Variants in SOS1 observed in about 807,000 individuals in gnomAD.
SOS1 encodes the protein son of sevenless homolog 1.
In SOS1, 25 loss-of-function variants were observed where a neutral mutation model predicts 157.6. The observed-to-expected ratio is 0.16, with a 90% CI of 0.12 to 0.22. The LOEUF (loss-of-function observed/expected upper bound fraction) is 0.22. SOS1 is among the 10% of genes least tolerant of loss of function. The pLI, the probability that SOS1 is intolerant of heterozygous loss-of-function variation, is 1.00. For synonymous variants in SOS1, 528 were observed against 534.0 expected (o/e 0.99, Z 0.16); for missense variants, 1,237 against 1,599.1 (o/e 0.77, Z 3.86).
chr2:38,994,098 G>A (rs1311631817), intron 20 of SOS1, among the ~76,000 whole-genome samples: 1 of 152,148 alleles, frequency 6.6e-6, no homozygotes, highest in Non-Finnish European at 1.5e-5. Flanking sequence ...ACTGAGATGT[G>A]CTGTAAGTGT....
chr2:39,102,704 G>A (rs929161168), intron 1 of SOS1, among the ~76,000 whole-genome samples: 1 of 152,132 alleles, frequency 6.6e-6, no homozygotes, highest in Non-Finnish European at 1.5e-5. Flanking sequence ...CAGCACTTTG[G>A]GAGGCTGAGG....
chr2:39,006,603 AG>A (rs1266672425), intron 16 of SOS1, 74 bp from the exon 17 acceptor site: 2 of 787,830 alleles, frequency 2.5e-6, no homozygotes, highest in African/African-American at 3.4e-5. Flanking sequence ...CTAGGCTAAC[AG>A]AAACGCCCAA....
chr2:39,032,346 A>G (rs1421939806), intron 8 of SOS1, among the ~76,000 whole-genome samples: 1 of 152,192 alleles, frequency 6.6e-6, no homozygotes, highest in Non-Finnish European at 1.5e-5. Context: ...ACAGTCTTAT[A>G]CTATTAATAG....
intron 10 of SOS1, among the ~76,000 whole-genome samples, chr2:39,021,411 C>T (rs1310239963): frequency 6.6e-6 from 1 of 150,650 alleles, no homozygotes; most frequent in Non-Finnish European, 1.5e-5. Context: ...ATCACTCAAT[C>T]AAGTCTTACA....
rs1056080833 is a variant in SOS1, at chr2:39,024,115, T to A, written c.1097A>T (p.Asp366Val). Reference protein sequence around the residue: ...LLKQLEEKSEDQEDKECLKQA... With the variant: ...LLKQLEEKSEVQEDKECLKQA... ...TTTTAAACATTCCTTGTCTTCTTGA[T>A]CTTCACTTTTTTCTTCTAACTGCTG... is the stretch of plus-strand genomic sequence containing the variant. Residue 366 changes from aspartate (D) to valine (V), a missense_variant, in exon 9 of 23, where the codon GAT becomes GTT. By Grantham distance (152) the Asp-to-Val change is radical. This residue lies in a region of SOS1 where 101 missense variants were observed against 171.5 expected (regional missense o/e 0.59). Coordinates refer to ENST00000402219, the MANE Select transcript of SOS1 (RefSeq NM_005633.4). 3.1e-6 allele frequency: 5 copies of A among 1,611,232 alleles called. No individual in the cohort carries two copies. In the African/African-American group the frequency reaches 6.7e-5, roughly 22 times the overall value.
intron 1 of SOS1, among the ~76,000 whole-genome samples, chr2:39,102,516 G>A (rs1397415527): frequency 1.1e-5 from 1 of 92,610 alleles, no homozygotes; most frequent in African/African-American, 4.5e-5. Context: ...GGGCAACAGA[G>A]CAAGACTCCA....
intron 17 of SOS1, among the ~76,000 whole-genome samples, chr2:38,998,283 T>G (rs1272502687): frequency 1.3e-5 from 2 of 152,104 alleles, no homozygotes; most frequent in Non-Finnish European, 2.9e-5. Flanking sequence ...GGAGTCTCAC[T>G]CTGTCTCCCA....
intron 1 of SOS1, among the ~76,000 whole-genome samples, chr2:39,110,539 C>T (rs534877569): frequency 3.3e-4 from 50 of 149,480 alleles, no homozygotes; most frequent in Non-Finnish European, 6.7e-4. Flanking sequence ...CCCTGCTCTG[C>T]AAGGAGCAAT....
intron 19 of SOS1, 31 bp downstream of exon 19, chr2:38,996,891 G>A (rs971089167): frequency 2.9e-6 from 3 of 1,048,726 alleles, no homozygotes; most frequent in African/African-American, 3.1e-5. Context: ...TGGTAGTAAT[G>A]ACATCACCAG....
chr2:39,045,543 C>T (rs1034648706), intron 6 of SOS1, among the ~76,000 whole-genome samples: 2 of 151,770 alleles, frequency 1.3e-5, no homozygotes, highest in African/African-American at 2.4e-5. Context: ...TTTTTTCCTC[C>T]TCAGTGCTTA....
chr2:39,098,211 G>C (rs553516253), intron 1 of SOS1: 5 of 220,766 alleles, frequency 2.3e-5, no homozygotes, highest in Admixed American at 2.2e-4. Flanking sequence ...TTGTTGTCTA[G>C]AACTACTTTG....
chr2:38,991,484 C>T (rs1220927640), intron 20 of SOS1, among the ~76,000 whole-genome samples: 3 of 152,200 alleles, frequency 2.0e-5, no homozygotes, highest in Non-Finnish European at 4.4e-5. Flanking sequence ...AGCATTTCAT[C>T]ATTTTCTCCT....
At chr2:39,022,459 G>T in intron 10 of SOS1, 111 bp downstream of exon 10, 1 of 798,064 alleles carries the variant, frequency 1.3e-6, no homozygotes, top group Non-Finnish European at 2.1e-6. Flanking sequence ...AAAGAAAAGA[G>T]GTCTTTGGTT....
At chr2:39,049,545 A>G (rs1203091826) in intron 6 of SOS1, among the ~76,000 whole-genome samples, 1 of 152,178 alleles carries the variant, frequency 6.6e-6, no homozygotes, top group African/African-American at 2.4e-5. Flanking sequence ...TACAAAATCA[A>G]TTTCATCTGG....
In SOS1 at chr2:39,035,609, C is replaced by T. The variant is rs961119494; in HGVS notation, c.865-109G>A. ...CACAATTATGTATGTCTTTGAAAGT[C>T]TCTAAGCAAAAATTATATGACTACT... is the stretch of plus-strand genomic sequence containing the variant. On this transcript the variant is annotated intron_variant, in intron 6 of 22. Transcript: ENST00000402219. 5 of 762,942 alleles carry T rather than the reference C, an allele frequency of 6.6e-6. No homozygotes were observed. In the African/African-American group the frequency reaches 8.8e-5, roughly 13 times the overall value. The allele number at this position is 762,942 out of a possible 1,614,324, so 47.3% of individuals were successfully genotyped here. A position where few individuals can be genotyped will look rare whatever the true frequency, so the allele number is the denominator to read the frequency against.
intron 17 of SOS1, among the ~76,000 whole-genome samples, chr2:38,999,471 C>T (rs1044001500): frequency 6.6e-6 from 1 of 152,136 alleles, no homozygotes; most frequent in African/African-American, 2.4e-5. Flanking sequence ...GACATCAATG[C>T]CTGTTTGGTT....
Position 39,087,408 on chromosome 2 carries a change from T to C in SOS1, c.88-19655A>G, listed in dbSNP as rs563870908. On this transcript the variant is annotated intron_variant, in intron 1 of 22. Transcript: ENST00000402219. ...AATAAAGTGGTCTTAAGTCTATGGTTCATGATTAACTTAGTAATTTTACAT... is the reference window on the plus strand; with the variant it reads ...AATAAAGTGGTCTTAAGTCTATGGTCCATGATTAACTTAGTAATTTTACAT... 7.2e-4 allele frequency among the ~76,000 whole-genome samples: 109 copies of C among 152,350 alleles called. 1 individual carries two copies. Among genetic ancestry groups the C allele is most frequent in the Non-Finnish European group, 1.2e-3 (81 of 68,038 alleles).
Position 39,035,285 on chromosome 2 carries a change from G to A in SOS1, c.1001C>T (p.Ala334Val), listed in dbSNP as rs762599512. Residue 334 changes from alanine to valine, a missense_variant, in exon 8 of 23, where the codon GCT (alanine) becomes GTT (valine). Ala to Val is a moderately conservative substitution (Grantham distance 64). Around this residue, in one of 15 missense-constraint regions of SOS1, gnomAD observed 101 missense variants for 171.5 expected, o/e 0.59. Coordinates refer to ENST00000402219, the MANE Select transcript of SOS1 (RefSeq NM_005633.4). ...CAGCCTGGGTAAAACATATTGAACA[G>A]CTTCTTTGAAACCTTCGCCTATTGA... The part of the protein sequence containing the change: ...LQSIGEGFKE[A>V]VQYVLPRLLL... The A allele has an allele frequency of 1.2e-6, 2 of 1,613,620 alleles. No homozygotes were observed. Among genetic ancestry groups the A allele is most frequent in the South Asian group, 1.1e-5 (1 of 91,054 alleles).
chr2:39,120,972 C>T lies in SOS1; in HGVS notation c.-550G>A. 1 of 175,458 alleles carries T rather than the reference C, an allele frequency of 5.7e-6. No homozygotes were observed. 10.9% of individuals were successfully genotyped at this position (175,458 alleles called of 1,614,324 possible). The stretch of plus-strand genomic sequence containing the variant: ...TGGGGAATCTGGCTGCCCTGAGGTG[C>T]CGCCGCGGCCGCCGCCGCCACCGCC... On this transcript the variant is annotated 5_prime_UTR_variant, in exon 1 of 23. Transcript: ENST00000402219.
Sources: allele counts gnomAD v4.1 joint callset (sites outside exome capture counted in the v4.1 genomes callset), GRCh38; gene constraint gnomAD v4.1.1; regional missense constraint gnomAD v4.1.1; transcripts MANE v1.5; gene names NCBI Gene and HGNC (gene_info 2026-07-23, HGNC 2026-07-21).